The following PKNOX2 variants were observed in gnomAD, a reference collection of about 807,000 sequenced individuals.
The protein encoded by PKNOX2 is PBX/knotted 1 homeobox 2.
In PKNOX2, 14 loss-of-function variants were observed where a neutral mutation model predicts 53.1. That is an observed-to-expected ratio of 0.26 (90% confidence interval 0.17 to 0.41). The LOEUF is 0.41. Ranked by LOEUF, PKNOX2 falls within the 10% of genes least tolerant of loss-of-function variation. The probability of loss-of-function intolerance (pLI) is 1.00; values close to 1 mark genes in which losing one functional copy is unlikely to be tolerated. For missense variants in PKNOX2, 496 were observed against 602.8 expected, an observed-to-expected ratio of 0.82 and a Z score of 1.85; for synonymous variants, 257 against 242.8, an observed-to-expected ratio of 1.06 and a Z score of -0.54.
intron 1 of PKNOX2, among the ~76,000 whole-genome samples, chr11:125,183,769 A>G (rs1380967955): frequency 2.6e-5 from 4 of 152,040 alleles, no homozygotes; most frequent in African/African-American, 7.2e-5. Context: ...ATTTTTCTGG[A>G]TTAGCCACTA....
At chr11:125,360,661 G>A (rs1177951571) in intron 4 of PKNOX2, among the ~76,000 whole-genome samples, 7 of 152,204 alleles carry the variant, frequency 4.6e-5, no homozygotes, top group Admixed American at 3.9e-4. Context: ...CAGCAGGGGT[G>A]GCACCCACAC....
chr11:125,394,500 C>T (rs1004131310), intron 6 of PKNOX2, among the ~76,000 whole-genome samples: 14 of 152,200 alleles, frequency 9.2e-5, no homozygotes, highest in Non-Finnish European at 2.1e-4. Context: ...AATCCCTGCT[C>T]ATCAGACAAG....
At chr11:125,378,975 T>G (rs974629256) in intron 5 of PKNOX2, among the ~76,000 whole-genome samples, 15 of 118,534 alleles carry the variant, frequency 1.3e-4, no homozygotes, top group African/African-American at 4.3e-4. Flanking sequence ...GAAATGTTTG[T>G]TTTTTTTTTT....
intron 1 of PKNOX2, among the ~76,000 whole-genome samples, chr11:125,175,588 T>C (rs1035444426): frequency 7.9e-5 from 12 of 152,298 alleles, no homozygotes; most frequent in Admixed American, 2.6e-4. Context: ...CACTATTTTG[T>C]TGAGTCATAG....
chr11:125,253,777 A>T (rs1474945287), intron 2 of PKNOX2, among the ~76,000 whole-genome samples: 1 of 152,052 alleles, frequency 6.6e-6, no homozygotes, highest in African/African-American at 2.4e-5. Context: ...CTCAGGAGGG[A>T]CCCTGGAGGT....
intron 2 of PKNOX2, among the ~76,000 whole-genome samples, chr11:125,306,609 G>A (rs1362164856): frequency 6.6e-6 from 1 of 152,192 alleles, no homozygotes; most frequent in Non-Finnish European, 1.5e-5. Flanking sequence ...GTGAGATAAT[G>A]GTCCCAGCTA....
chr11:125,210,053 T>A (rs901955005), intron 1 of PKNOX2, among the ~76,000 whole-genome samples: 2 of 152,094 alleles, frequency 1.3e-5, no homozygotes, highest in Non-Finnish European at 2.9e-5. Flanking sequence ...GGACAGGTCA[T>A]CTCTCTGGCA....
intron 1 of PKNOX2, among the ~76,000 whole-genome samples, chr11:125,202,822 AT>A (rs1028039260): frequency 6.6e-6 from 1 of 151,934 alleles, no homozygotes; most frequent in South Asian, 2.1e-4. Flanking sequence ...TTAAACAATT[AT>A]TTTTTTCTTT....
At position 125,242,245 on chromosome 11, in the gene PKNOX2, G is replaced by T. The variant is rs1013629237; in HGVS notation, c.-130+7130G>T. Among the ~76,000 whole-genome samples the T allele has an allele frequency of 3.9e-5, 6 of 152,306 alleles. No homozygotes were observed. The East Asian group carries it at 9.7e-4, about 25-fold the overall frequency. On this transcript the variant is annotated intron_variant, in intron 2 of 12. Transcript: ENST00000298282. ...GAGGCTGGCCTGTTGTCATCGGAGG[G>T]CAAGGCAGTGTTGGTCTGTAACGGG...
intron 2 of PKNOX2, among the ~76,000 whole-genome samples, chr11:125,325,737 C>T (rs1949786617): frequency 6.6e-6 from 1 of 152,138 alleles, no homozygotes; most frequent in Non-Finnish European, 1.5e-5. Flanking sequence ...AACCATTTTA[C>T]AGAAGTAGGA....
intron 8 of PKNOX2, 35 bp downstream of exon 8, chr11:125,410,360 A>C (rs1271043928): frequency 6.2e-7 from 1 of 1,612,076 alleles, no homozygotes; most frequent in Non-Finnish European, 8.5e-7. Context: ...GATTGTGGGA[A>C]TTCCCTGGGA....
At chr11:125,351,427 G>C in intron 4 of PKNOX2, 35 bp downstream of exon 4, 2 of 1,369,354 alleles carry the variant, frequency 1.5e-6, no homozygotes, top group Non-Finnish European at 2.1e-6. Context: ...CCCACCACGG[G>C]GGAGGGAGTG....
At chr11:125,175,952 T>C (rs755938562) in intron 1 of PKNOX2, among the ~76,000 whole-genome samples, 1 of 152,190 alleles carries the variant, frequency 6.6e-6, no homozygotes, top group Non-Finnish European at 1.5e-5. Context: ...ATATTTCTTA[T>C]TAGTTTAAAA....
intron 2 of PKNOX2, among the ~76,000 whole-genome samples, chr11:125,295,640 C>T (rs913817436): frequency 6.6e-5 from 10 of 152,138 alleles, no homozygotes; most frequent in Admixed American, 6.5e-4. Context: ...AGGGTAGACC[C>T]TAGTGTCAGG....
intron 2 of PKNOX2, among the ~76,000 whole-genome samples, chr11:125,291,842 T>G (rs1046184688): frequency 6.6e-6 from 1 of 152,250 alleles, no homozygotes; most frequent in Non-Finnish European, 1.5e-5. Flanking sequence ...ATTCCACTTA[T>G]ATGAAATATC....
intron 1 of PKNOX2, among the ~76,000 whole-genome samples, chr11:125,194,480 AG>A (rs1282975765): frequency 6.6e-6 from 1 of 151,466 alleles, no homozygotes; most frequent in Non-Finnish European, 1.5e-5. Flanking sequence ...CCTGCTTCAC[AG>A]GAGGGTCCTC....
chr11:125,322,538 A>G (rs541674109), intron 2 of PKNOX2, among the ~76,000 whole-genome samples: 4 of 152,168 alleles, frequency 2.6e-5, no homozygotes, highest in Non-Finnish European at 5.9e-5. Context: ...CGCCCCACCC[A>G]GGATGGCGCT....
rs577298235 is a variant in PKNOX2 at position 125,282,426 on chromosome 11, C to T, written c.-130+47311C>T. 5.3e-5 allele frequency among the ~76,000 whole-genome samples: 8 copies of T among 152,284 alleles called. No homozygotes were observed. The East Asian group carries it at 7.7e-4, about 15-fold the overall frequency. Reference sequence around the variant, plus strand: ...TCAATCTGTGGTGTCATGATTATATCGAGACCAGTGGGTGGCAGGCATCTG... The same window carrying T: ...TCAATCTGTGGTGTCATGATTATATTGAGACCAGTGGGTGGCAGGCATCTG... On this transcript the variant is annotated intron_variant, in intron 2 of 12. Coordinates refer to ENST00000298282, the MANE Select transcript of PKNOX2 (RefSeq NM_001382323.2).
intron 3 of PKNOX2, 136 bp from the exon 4 acceptor site, chr11:125,351,148 G>T: frequency 1.5e-6 from 1 of 685,470 alleles, no homozygotes; most frequent in Non-Finnish European, 2.7e-6. Flanking sequence ...CTCATTTGTT[G>T]CCCTGAAGGG....
Sources: gnomAD v4.1 joint callset for allele counts (sites outside exome capture counted in the v4.1 genomes callset) on GRCh38, gnomAD v4.1.1 for gene constraint, MANE v1.5 for transcripts, NCBI Gene and HGNC (gene_info 2026-07-23, HGNC 2026-07-21) for gene names.